Variants in RRP12 observed in about 807,000 individuals in gnomAD.
RRP12 encodes ribosomal RNA processing 12 homolog.
A neutral mutation model predicts 157.3 loss-of-function variants in RRP12; 78 were observed. That is an observed-to-expected ratio of 0.50 (90% CI 0.41 to 0.60). The LOEUF (loss-of-function observed/expected upper bound fraction) is 0.60, where lower values mean the gene tolerates loss of function less well. Ranked by LOEUF, RRP12 falls within the 20% of genes least tolerant of loss-of-function variation. RRP12 has a pLI of 0.00. For synonymous variants in RRP12, 726 were observed against 670.9 expected (o/e 1.08, Z -1.27); for missense variants, 1,521 against 1,679.9 (o/e 0.91, Z 1.65).
chr10:97,385,686 G>T (rs1486681906), intron 9 of RRP12, among the ~76,000 whole-genome samples: 1 of 152,176 alleles, frequency 6.6e-6, no homozygotes, highest in South Asian at 2.1e-4. Flanking sequence ...ACTAGGTCAA[G>T]GGTCAAGGTC....
rs1222564078 is a variant in RRP12, at chr10:97,369,441, T to G, written c.2939A>C (p.Lys980Thr). 6.2e-7 allele frequency: 1 copy of G among 1,612,132 alleles called. No homozygotes were observed. The highest frequency in any genetic ancestry group is 1.3e-5 in the African/African-American group (1 of 74,894). Residue 980 changes from lysine (K) to threonine (T), a missense_variant, in exon 25 of 34, where the codon AAA becomes ACA. Physicochemically the swap from Lys to Thr is moderately conservative, Grantham distance 78. Transcript: ENST00000370992. ...GACACTCACCACCAGCTGCACATGT[T>G]TGGCCAGGTGCGCCACGTCCATGAC... Reference protein sequence around the residue: ...VTVMDVAHLAKHVQLVMEAIG... With the variant: ...VTVMDVAHLATHVQLVMEAIG...
chr10:97,359,591 G>A (rs555229540), intron 31 of RRP12, among the ~76,000 whole-genome samples: 2 of 152,330 alleles, frequency 1.3e-5, no homozygotes, highest in South Asian at 4.1e-4. Flanking sequence ...ACAAGTTGTG[G>A]ATGGAATCCT....
At chr10:97,381,597 C>T in intron 11 of RRP12, 114 bp from the exon 12 acceptor site, 4 of 1,219,336 alleles carry the variant, frequency 3.3e-6, no homozygotes, top group Non-Finnish European at 4.7e-6. Context: ...AACCTATCTC[C>T]CATTTTGAGA....
intron 30 of RRP12, among the ~76,000 whole-genome samples, chr10:97,360,848 G>A (rs866032171): frequency 3.3e-5 from 5 of 152,162 alleles, no homozygotes; most frequent in African/African-American, 4.8e-5. Flanking sequence ...CCTGACTGCC[G>A]GGCTGGTGGC....
chr10:97,395,639 A>T (rs1048739977), intron 3 of RRP12, among the ~76,000 whole-genome samples: 1 of 151,930 alleles, frequency 6.6e-6, no homozygotes, highest in Non-Finnish European at 1.5e-5. Flanking sequence ...TCACGAGGTC[A>T]GGAGTTCGAG....
rs1844398520 is a variant in RRP12 at position 97,379,359 on chromosome 10, G to A, written c.1732C>T (p.Gln578Ter). ...GTGAAAAAACCAAGTCGCGTTTCCT[G>A]AACATGGTCTCGGATGACAGGCAGC... ...WLLPVIRDHV[Q>*]ETRLGFFTTY... The change falls in exon 15 of 34, where the codon CAG becomes TAG. Residue 578 changes from glutamine (Q) to a stop codon, truncating the protein, a stop_gained. Coordinates refer to ENST00000370992, the MANE Select transcript of RRP12 (RefSeq NM_015179.4). LOFTEE classifies it high-confidence loss of function. 2 of 1,613,978 alleles carry A rather than the reference G, an allele frequency of 1.2e-6. No individual in the cohort carries two copies. The highest frequency in any genetic ancestry group is 1.3e-5 in the African/African-American group (1 of 74,944).
intron 15 of RRP12, among the ~76,000 whole-genome samples, chr10:97,376,217 T>C (rs1844302332): frequency 7.2e-6 from 1 of 139,280 alleles, no homozygotes; most frequent in African/African-American, 2.7e-5. Flanking sequence ...ACTTTCTTTT[T>C]TTTTTTTTTT....
chr10:97,395,506 C>T (rs1281196432), intron 3 of RRP12, among the ~76,000 whole-genome samples: 3 of 149,580 alleles, frequency 2.0e-5, no homozygotes, highest in Admixed American at 6.7e-5. Context: ...GAACTGGGAT[C>T]GTGCCACTGC....
chr10:97,373,891 A>C lies in RRP12; in HGVS notation c.1802T>G (p.Met601Arg). The C allele has an allele frequency of 1.2e-6, 2 of 1,613,080 alleles. No homozygotes were observed. The highest frequency in any genetic ancestry group is 2.2e-5 in the South Asian group (2 of 91,056). ...TGTGCTGCCTGCCTGAGCCAGGTCC[A>C]TGGCTGCAGTGTGACAGAGGGACAG... Reference protein sequence around the residue: ...PLANTLKSKAMDLAQAGSTVE... With the variant: ...PLANTLKSKARDLAQAGSTVE... The change falls in exon 16 of 34, where the codon ATG becomes AGG. Residue 601 changes from methionine (M) to arginine (R), a missense_variant. Coordinates refer to ENST00000370992, the MANE Select transcript of RRP12 (RefSeq NM_015179.4).
In RRP12 at chr10:97,385,968, G is replaced by T. The variant is rs1273679209; in HGVS notation, c.1043C>A (p.Ala348Asp). The change falls in exon 9 of 34, where the codon GCC becomes GAC. Residue 348 changes from alanine (A) to aspartate (D), a missense_variant. Transcript: ENST00000370992. The stretch of plus-strand genomic sequence containing the variant: ...CCTGGCGTGGAAGAGGCTGTGAAAG[G>T]CCTGCATGGCACAGGCTGTCACCAG... ...HVLVTACAMQAFHSLFHARPG... is the reference protein window; with the variant it reads ...HVLVTACAMQDFHSLFHARPG... The T allele has an allele frequency of 1.9e-6, 3 of 1,602,134 alleles. No individual in the cohort carries two copies. The highest frequency in any genetic ancestry group is 2.6e-6 in the Non-Finnish European group (3 of 1,174,584).
Position 97,362,254 on chromosome 10 carries a change from C to T in RRP12, c.3567+1600G>A, listed in dbSNP as rs542405400. On this transcript the variant is annotated intron_variant, in intron 30 of 33. Coordinates refer to ENST00000370992, the MANE Select transcript of RRP12 (RefSeq NM_015179.4). ...GGCATCTGCTCAGTCCCGCTCTGCC[C>T]GGGGCAGTGGGGGACATCCTTAGAA... Among the ~76,000 whole-genome samples the T allele has an allele frequency of 2.4e-4, 36 of 152,252 alleles. No individual in the cohort carries two copies. The South Asian group carries it at 5.8e-3, about 25-fold the overall frequency.
rs1178198337 is a variant in RRP12, at chr10:97,370,545, T to G, written c.2599A>C (p.Lys867Gln). 7 of 1,609,984 alleles carry G rather than the reference T, an allele frequency of 4.3e-6. No homozygotes were observed. The highest frequency in any genetic ancestry group is 3.4e-5 in the Admixed American group (2 of 59,320). ...ALIPEVILCT[K>Q]EVSVGARKNA... ...TTCCGTGCGCCCACCGACACCTCCT[T>G]GGTGCACAGGATCACCTGGCCAAGA... Residue 867 changes from lysine (K) to glutamine (Q), a missense_variant, in exon 23 of 34, where the codon AAG (lysine) becomes CAG (glutamine). Lys to Gln is a moderately conservative substitution (Grantham distance 53). Transcript: ENST00000370992.
At chr10:97,366,332 GC>G in intron 28 of RRP12, 99 bp from the exon 29 acceptor site, 2 of 1,567,106 alleles carry the variant, frequency 1.3e-6, no homozygotes, top group Non-Finnish European at 1.7e-6. Context: ...CCAAACGGGC[GC>G]CTCTCAGCCC....
intron 4 of RRP12, among the ~76,000 whole-genome samples, chr10:97,391,661 C>A (rs1414082992): frequency 1.3e-5 from 2 of 152,154 alleles, no homozygotes; most frequent in African/African-American, 4.8e-5. Context: ...GTGGCTCACG[C>A]CTGTAATCCC....
chr10:97,358,698 T>C, intron 32 of RRP12, 79 bp from the exon 33 acceptor site: 3 of 1,099,362 alleles, frequency 2.7e-6, no homozygotes, highest in Non-Finnish European at 4.2e-6. Flanking sequence ...ACAGGCCCCA[T>C]AACCTCCCTT....
At chr10:97,378,508 G>A (rs1203556347) in intron 15 of RRP12, among the ~76,000 whole-genome samples, 3 of 152,158 alleles carry the variant, frequency 2.0e-5, no homozygotes, top group African/African-American at 7.2e-5. Flanking sequence ...CACCATCATT[G>A]AAACGTCATG....
rs1259270617 is a variant in RRP12, at chr10:97,401,180, A to G, written c.52T>C (p.Trp18Arg). 1.1e-5 allele frequency: 18 copies of G among 1,614,024 alleles called. No homozygotes were observed. The highest frequency in any genetic ancestry group is 2.7e-5 in the African/African-American group (2 of 74,936). The change falls in exon 1 of 34, where the codon TGG becomes CGG. Residue 18 changes from tryptophan (W) to arginine (R), a missense_variant. Physicochemically the swap from Trp to Arg is moderately radical, Grantham distance 101. Transcript: ENST00000370992. Reference protein sequence around the residue: ...PSGVSAKLKRWKKGHSSDSNP... With the variant: ...PSGVSAKLKRRKKGHSSDSNP... The stretch of plus-strand genomic sequence containing the variant: ...CTGTCGCTGCTGTGGCCTTTCTTCC[A>G]GCGCTTCAACTTAGCTGAGACACCA...
intron 17 of RRP12, among the ~76,000 whole-genome samples, 163 bp downstream of exon 17, chr10:97,373,412 G>A (rs1464747935): frequency 1.3e-5 from 2 of 152,202 alleles, no homozygotes; most frequent in African/African-American, 2.4e-5. Context: ...ACCCCAGGGA[G>A]CCAGCAAAGT....
In RRP12 at chr10:97,379,721, G is replaced by A. The variant is rs1450210242; in HGVS notation, c.1583C>T (p.Thr528Met). The A allele has an allele frequency of 1.4e-5, 23 of 1,613,738 alleles. No homozygotes were observed. Among genetic ancestry groups the A allele is most frequent in the Middle Eastern group, 1.6e-4 (1 of 6,072 alleles). Reference sequence around the variant, plus strand: ...CCCCACTGCCTGGTCAAGAGCCGCCGTGTGGGGGAAATGAGGGGAGAGGCG... The same window carrying A: ...CCCCACTGCCTGGTCAAGAGCCGCCATGTGGGGGAAATGAGGGGAGAGGCG... ...DLRLSPHFPHTAALDQAVGAA... is the reference protein window; with the variant it reads ...DLRLSPHFPHMAALDQAVGAA... The change falls in exon 14 of 34, where the codon ACG becomes ATG. Residue 528 changes from threonine (T) to methionine (M), a missense_variant. Coordinates refer to ENST00000370992, the MANE Select transcript of RRP12 (RefSeq NM_015179.4).
Sources: gnomAD v4.1 joint callset for allele counts (sites outside exome capture counted in the v4.1 genomes callset) on GRCh38, gnomAD v4.1.1 for gene constraint, MANE v1.5 for transcripts, NCBI Gene and HGNC (gene_info 2026-07-23, HGNC 2026-07-21) for gene names.